Variants in DENND1A observed in about 807,000 individuals in gnomAD.
DENND1A encodes the protein DENN domain-containing protein 1A.
Under a neutral mutation model 113.7 loss-of-function variants are expected in DENND1A, and 51 were observed. That is an observed-to-expected ratio of 0.45 (90% CI 0.36 to 0.57). The LOEUF is 0.57. Ranked by LOEUF, DENND1A falls within the 20% of genes least tolerant of loss-of-function variation. DENND1A has a pLI of 0.00. For synonymous variants in DENND1A, 565 were observed against 570.8 expected, an observed-to-expected ratio of 0.99 and a Z score of 0.14; for missense variants, 1,258 against 1,395.9, an observed-to-expected ratio of 0.90 and a Z score of 1.57.
intron 21 of DENND1A, among the ~76,000 whole-genome samples, chr9:123,398,319 C>T (rs1366379385): frequency 6.6e-6 from 1 of 152,228 alleles, no homozygotes; most frequent in African/African-American, 2.4e-5. Context: ...TCATGAGGGG[C>T]CCGGCGGCTC....
chr9:123,566,115 C>T (rs946856588), intron 12 of DENND1A, among the ~76,000 whole-genome samples: 6 of 152,228 alleles, frequency 3.9e-5, no homozygotes, highest in Non-Finnish European at 7.4e-5. Context: ...CCAAGTCTGT[C>T]TTACTCCAGA....
intron 13 of DENND1A, among the ~76,000 whole-genome samples, chr9:123,469,194 G>A (rs1170199351): frequency 4.6e-5 from 7 of 152,230 alleles, no homozygotes; most frequent in East Asian, 1.9e-4. Context: ...CACGGTGGCC[G>A]AGGCATGTCA....
At chr9:123,720,676 A>G (rs2067275140) in intron 5 of DENND1A, among the ~76,000 whole-genome samples, 1 of 152,210 alleles carries the variant, frequency 6.6e-6, no homozygotes, top group Non-Finnish European at 1.5e-5. Context: ...TATCATTGCC[A>G]ACACTGTCTC....
chr9:123,552,039 C>CAGAGAGAGAGAG (rs58452320), intron 13 of DENND1A, among the ~76,000 whole-genome samples: 2,425 of 128,280 alleles, frequency 0.019, 70 homozygotes, highest in African/African-American at 0.045. Context: ...GAGAGAGAGA[C>CAGAGAGAGAGAG]AGAGAGAGAG....
rs574176809 is a variant in DENND1A at position 123,925,487 on chromosome 9, T to C, written c.17+4402A>G. ...TACTTGTGTTTTGTTTTTTTTGTTG[T>C]TTTGTTTTGTTTTGGTGGGGAGGGA... On this transcript the variant is annotated intron_variant, in intron 1 of 23. Coordinates refer to ENST00000394215, the MANE Select transcript of DENND1A (RefSeq NM_001352964.2). Among the ~76,000 whole-genome samples, 59 of 152,264 alleles carry C rather than the reference T, an allele frequency of 3.9e-4. 1 individual carries two copies. In the Middle Eastern group the frequency reaches 0.01, roughly 26 times the overall value.
chr9:123,916,240 T>C (rs1855092984), intron 1 of DENND1A, among the ~76,000 whole-genome samples: 1 of 152,050 alleles, frequency 6.6e-6, no homozygotes, highest in Admixed American at 6.6e-5. Flanking sequence ...TTCCCTGTAT[T>C]TTTCCAGGAG....
chr9:123,797,370 AT>A (rs1833942416), intron 2 of DENND1A, among the ~76,000 whole-genome samples: 1 of 152,190 alleles, frequency 6.6e-6, no homozygotes, highest in South Asian at 2.1e-4. Flanking sequence ...CACTAATGAC[AT>A]TTCCAAATTT....
At chr9:123,498,564 A>G (rs2052155746) in intron 13 of DENND1A, among the ~76,000 whole-genome samples, 1 of 152,210 alleles carries the variant, frequency 6.6e-6, no homozygotes, top group African/African-American at 2.4e-5. Context: ...TTATGAAAAG[A>G]GTTTCAACTA....
At chr9:123,824,643 T>C (rs565732769) in intron 2 of DENND1A, among the ~76,000 whole-genome samples, 1 of 152,324 alleles carries the variant, frequency 6.6e-6, no homozygotes, top group African/African-American at 2.4e-5. Context: ...AATGGGTGTT[T>C]ATAGAGTTCA....
At chr9:123,845,632 T>C (rs1299014852) in intron 2 of DENND1A, among the ~76,000 whole-genome samples, 1 of 133,916 alleles carries the variant, frequency 7.5e-6, no homozygotes, top group African/African-American at 3.0e-5. Flanking sequence ...TTCATGCCAC[T>C]GTATTCCAGC....
chr9:123,674,718 AGT>A (rs2063960233), intron 6 of DENND1A, among the ~76,000 whole-genome samples: 1 of 152,228 alleles, frequency 6.6e-6, no homozygotes, highest in African/African-American at 2.4e-5. Flanking sequence ...AAGGTTCACC[AGT>A]TTTACACGGT....
At chr9:123,925,328 T>C (rs1588285719) in intron 1 of DENND1A, among the ~76,000 whole-genome samples, 1 of 152,296 alleles carries the variant, frequency 6.6e-6, no homozygotes, top group East Asian at 1.9e-4. Context: ...ATCTCTCAGC[T>C]GAAACATGAT....
In DENND1A at chr9:123,839,896, A is replaced by G. The variant is rs1841577982; in HGVS notation, c.88+39055T>C. ...AAGCAGTAGAATTGAATTTAAATCC[A>G]AGTAAATGAGAAACCGAAACTATTT... On this transcript the variant is annotated intron_variant, in intron 2 of 23. Coordinates refer to ENST00000394215, the MANE Select transcript of DENND1A (RefSeq NM_001352964.2). 2.0e-5 allele frequency among the ~76,000 whole-genome samples: 3 copies of G among 152,326 alleles called. No homozygotes were observed. In the East Asian group the frequency reaches 5.8e-4, roughly 29 times the overall value.
chr9:123,881,828 C>G (rs754540263), intron 1 of DENND1A, among the ~76,000 whole-genome samples: 1 of 152,172 alleles, frequency 6.6e-6, no homozygotes, highest in Non-Finnish European at 1.5e-5. Flanking sequence ...CACGACACCA[C>G]TGAAACAACT....
intron 14 of DENND1A, 80 bp downstream of exon 14, chr9:123,457,713 G>T: frequency 1.5e-6 from 2 of 1,362,292 alleles, no homozygotes; most frequent in Non-Finnish European, 2.0e-6. Flanking sequence ...CATGCCTGCG[G>T]CCTCAGTACT....
intron 13 of DENND1A, among the ~76,000 whole-genome samples, chr9:123,471,544 C>T (rs192650606): frequency 3.3e-5 from 5 of 152,274 alleles, no homozygotes; most frequent in East Asian, 3.9e-4. Context: ...GAGGCGAGAC[C>T]GCAACGTACA....
intron 2 of DENND1A, among the ~76,000 whole-genome samples, chr9:123,862,906 T>C (rs1845253830): frequency 1.3e-5 from 2 of 152,236 alleles, no homozygotes; most frequent in Admixed American, 1.3e-4. Context: ...GTGGTCAACA[T>C]TAAGATCTTG....
intron 8 of DENND1A, chr9:123,652,364 A>G (rs569262425): frequency 1.5e-5 from 6 of 410,990 alleles, no homozygotes; most frequent in Non-Finnish European, 2.7e-5. Flanking sequence ...TGATTACAAC[A>G]TGAGGTCGCA....
chr9:123,473,567 CTGTG>C (rs2049628890), intron 13 of DENND1A, among the ~76,000 whole-genome samples: 1 of 152,238 alleles, frequency 6.6e-6, no homozygotes, highest in Non-Finnish European at 1.5e-5. Context: ...CTCTCCAGAC[CTGTG>C]TGCCCTCACT....
Sources: gnomAD v4.1 joint callset for allele counts (sites outside exome capture counted in the v4.1 genomes callset) on GRCh38, gnomAD v4.1.1 for gene constraint, MANE v1.5 for transcripts, NCBI Gene and HGNC (gene_info 2026-07-23, HGNC 2026-07-21) for gene names.